Variants in KIAA1328 observed in about 807,000 individuals in gnomAD.
KIAA1328 encodes the protein protein hinderin.
Under a neutral mutation model 68.1 loss-of-function variants are expected in KIAA1328, and 52 were observed. The observed-to-expected ratio is 0.76, with a 90% CI of 0.61 to 0.96. The LOEUF (loss-of-function observed/expected upper bound fraction) is 0.96. KIAA1328 is among the 40% of genes least tolerant of loss of function. KIAA1328 has a pLI of 0.00. For missense variants in KIAA1328, 641 were observed against 677.6 expected (o/e 0.95, Z 0.60); for synonymous variants, 232 against 239.4 (o/e 0.97, Z 0.28).
intron 6 of KIAA1328, among the ~76,000 whole-genome samples, chr18:36,989,888 G>T (rs889768887): frequency 5.9e-5 from 9 of 152,110 alleles, no homozygotes; most frequent in African/African-American, 1.9e-4. Context: ...TAGAGACGAG[G>T]TTTCACCTGT....
At chr18:36,838,407 G>C (rs146996662) in intron 3 of KIAA1328, among the ~76,000 whole-genome samples, 2 of 152,256 alleles carry the variant, frequency 1.3e-5, no homozygotes, top group Admixed American at 1.3e-4. Flanking sequence ...TCTTTCACGT[G>C]TATCCAGATT....
At chr18:36,958,780 G>T (rs539114697) in intron 5 of KIAA1328, among the ~76,000 whole-genome samples, 4 of 151,858 alleles carry the variant, frequency 2.6e-5, no homozygotes, top group Admixed American at 1.3e-4. Context: ...CATTCAGGGG[G>T]TTGTTTTTTC....
intron 7 of KIAA1328, among the ~76,000 whole-genome samples, chr18:37,083,247 C>T (rs942994666): frequency 2.6e-5 from 4 of 152,082 alleles, no homozygotes; most frequent in African/African-American, 9.7e-5. Context: ...CATTTACCTA[C>T]CTATGTGTCA....
chr18:37,118,096 G>A (rs993004164), intron 7 of KIAA1328, among the ~76,000 whole-genome samples: 1 of 150,602 alleles, frequency 6.6e-6, no homozygotes, highest in Non-Finnish European at 1.5e-5. Context: ...TTGGGCCCTA[G>A]CAATCCTCCC....
At chr18:36,953,999 T>TTTTC (rs2051289767) in intron 5 of KIAA1328, among the ~76,000 whole-genome samples, 1 of 135,700 alleles carries the variant, frequency 7.4e-6, no homozygotes. Context: ...TTGTTTCTTT[T>TTTTC]TTTTTTTTTT....
intron 5 of KIAA1328, among the ~76,000 whole-genome samples, chr18:36,921,966 C>G (rs902114132): frequency 6.6e-6 from 1 of 151,596 alleles, no homozygotes; most frequent in African/African-American, 2.4e-5. Context: ...TCGCTCTTGT[C>G]CCCCAGGCCA....
At chr18:36,924,475 A>G (rs1200260983) in intron 5 of KIAA1328, among the ~76,000 whole-genome samples, 2 of 152,192 alleles carry the variant, frequency 1.3e-5, no homozygotes, top group African/African-American at 2.4e-5. Flanking sequence ...TGGATTGAGC[A>G]TATAGAGACA....
intron 4 of KIAA1328, among the ~76,000 whole-genome samples, chr18:36,880,671 AT>A (rs753445402): frequency 3.1e-4 from 46 of 148,092 alleles, no homozygotes; most frequent in Non-Finnish European, 3.5e-4. Flanking sequence ...GGAGGGACAA[AT>A]TTTTTTTTTT....
At chr18:37,149,113 C>A (rs1463151791) in intron 7 of KIAA1328, among the ~76,000 whole-genome samples, 2 of 152,076 alleles carry the variant, frequency 1.3e-5, no homozygotes, top group African/African-American at 2.4e-5. Context: ...GCTTATATAG[C>A]CAAGACAGTC....
intron 4 of KIAA1328, among the ~76,000 whole-genome samples, chr18:36,878,799 A>G (rs2048229463): frequency 6.6e-6 from 1 of 152,022 alleles, no homozygotes; most frequent in Non-Finnish European, 1.5e-5. Context: ...CTTTTGGTTG[A>G]TCAACTCGGC....
intron 6 of KIAA1328, among the ~76,000 whole-genome samples, chr18:37,033,313 T>C (rs1490215373): frequency 6.6e-6 from 1 of 152,224 alleles, no homozygotes; most frequent in Non-Finnish European, 1.5e-5. Flanking sequence ...AAGTTTTTAT[T>C]AGATGCTTAT....
chr18:36,928,359 T>A (rs184139008), intron 5 of KIAA1328, among the ~76,000 whole-genome samples: 46 of 152,324 alleles, frequency 3.0e-4, no homozygotes, highest in African/African-American at 1.1e-3. Context: ...GTTCTATGGC[T>A]TCTAACTCTG....
chr18:37,088,399 G>A (rs1374487950), intron 7 of KIAA1328, among the ~76,000 whole-genome samples: 1 of 152,040 alleles, frequency 6.6e-6, no homozygotes, highest in African/African-American at 2.4e-5. Context: ...AATTTAGTAG[G>A]CAGAAAGATG....
At chr18:37,144,069 C>G (rs1442500592) in intron 7 of KIAA1328, among the ~76,000 whole-genome samples, 8 of 152,040 alleles carry the variant, frequency 5.3e-5, no homozygotes, top group Admixed American at 5.2e-4. Flanking sequence ...GTGGGAACAT[C>G]TTTGATTATG....
At chr18:37,103,841 C>T (rs1317036785) in intron 7 of KIAA1328, among the ~76,000 whole-genome samples, 3 of 148,938 alleles carry the variant, frequency 2.0e-5, no homozygotes, top group Non-Finnish European at 4.5e-5. Flanking sequence ...CACACACACT[C>T]CCATCTAAAA....
intron 9 of KIAA1328, among the ~76,000 whole-genome samples, chr18:37,174,197 T>C (rs1482332652): frequency 1.3e-5 from 2 of 152,128 alleles, no homozygotes; most frequent in Non-Finnish European, 2.9e-5. Context: ...TTCAGAGATA[T>C]TGAAGAACAG....
At chr18:37,137,611 T>C (rs1490126746) in intron 7 of KIAA1328, among the ~76,000 whole-genome samples, 2 of 152,182 alleles carry the variant, frequency 1.3e-5, no homozygotes, top group Non-Finnish European at 2.9e-5. Context: ...CTTTCTGATA[T>C]CTCTCTCGTT....
At chr18:37,037,741 A>G (rs1489253194) in intron 6 of KIAA1328, among the ~76,000 whole-genome samples, 2 of 151,308 alleles carry the variant, frequency 1.3e-5, no homozygotes, top group Non-Finnish European at 2.9e-5. Context: ...AATCTTTTTA[A>G]TATACAAATG....
At chr18:36,842,094 A>G (rs988456800) in intron 3 of KIAA1328, among the ~76,000 whole-genome samples, 2 of 152,222 alleles carry the variant, frequency 1.3e-5, no homozygotes, top group Non-Finnish European at 2.9e-5. Context: ...GCAAAAAGGG[A>G]ACATTAAAGT....
Sources: allele counts gnomAD v4.1 joint callset (sites outside exome capture counted in the v4.1 genomes callset), GRCh38; gene constraint gnomAD v4.1.1; transcripts MANE v1.5; gene names NCBI Gene and HGNC (gene_info 2026-07-23, HGNC 2026-07-21).